The following DYNLT2B variants were observed in gnomAD, a reference collection of about 807,000 sequenced individuals.
DYNLT2B encodes dynein light chain Tctex-type 2B, also known as dynein light chain Tctex-type protein 2B.
In DYNLT2B, 14 loss-of-function variants were observed where a neutral mutation model predicts 19.5. The ratio of observed to expected loss-of-function variants is 0.72; its 90% CI spans 0.47 to 1.12. DYNLT2B has a LOEUF of 1.12. DYNLT2B is among the 50% of genes most tolerant of loss of function. DYNLT2B has a pLI of 0.00. For synonymous variants in DYNLT2B, 70 were observed against 59.7 expected, an observed-to-expected ratio of 1.17 and a Z score of -0.79; for missense variants, 133 against 174.7, an observed-to-expected ratio of 0.76 and a Z score of 1.35.
chr3:196,317,866 A>G (rs1465875422), intron 1 of DYNLT2B, among the ~76,000 whole-genome samples, 174 bp downstream of exon 1: 2 of 151,902 alleles, frequency 1.3e-5, no homozygotes, highest in African/African-American at 4.8e-5. Flanking sequence ...CTGCAGCGGG[A>G]GGGGCGCCCG....
intron 3 of DYNLT2B, among the ~76,000 whole-genome samples, chr3:196,299,134 G>T (rs1726289266): frequency 6.6e-6 from 1 of 151,132 alleles, no homozygotes; most frequent in African/African-American, 2.4e-5. Flanking sequence ...GCCCAGGCTG[G>T]AGTGCAGTGG....
chr3:196,311,607 G>GA (rs1399442690), intron 2 of DYNLT2B, among the ~76,000 whole-genome samples: 1 of 152,070 alleles, frequency 6.6e-6, no homozygotes, highest in Non-Finnish European at 1.5e-5. Context: ...ATGCTCATTA[G>GA]AAAGTCAGAA....
chr3:196,316,586 AT>A (rs1454723434), intron 1 of DYNLT2B, among the ~76,000 whole-genome samples: 4 of 152,132 alleles, frequency 2.6e-5, no homozygotes, highest in Non-Finnish European at 5.9e-5. Flanking sequence ...ATAAAATAAA[AT>A]AAAAAAATAC....
chr3:196,314,285 C>T (rs1726716667), intron 2 of DYNLT2B, among the ~76,000 whole-genome samples: 1 of 151,830 alleles, frequency 6.6e-6, no homozygotes, highest in Non-Finnish European at 1.5e-5. Flanking sequence ...GCTTGCAGAT[C>T]TCTTGAGGGT....
Position 196,298,784 on chromosome 3 carries a change from G to A in DYNLT2B, c.318-2715C>T, listed in dbSNP as rs1726280890. 3.9e-5 allele frequency among the ~76,000 whole-genome samples: 6 copies of A among 152,188 alleles called. No individual in the cohort carries two copies. The South Asian group carries it at 8.3e-4, about 21-fold the overall frequency. On this transcript the variant is annotated intron_variant, in intron 3 of 4. Transcript: ENST00000325318. ...TTCCGCAGCAGATTTTTTTCCTGGA[G>A]GATTTGCCAATTCAGGGCACAGGGC...
Position 196,311,837 on chromosome 3 carries a change from C to T in DYNLT2B, c.247+4261G>A, listed in dbSNP as rs1357386781. On this transcript the variant is annotated intron_variant, in intron 2 of 4. Coordinates refer to ENST00000325318, the MANE Select transcript of DYNLT2B (RefSeq NM_152773.5). ...AAGAAATCCCAGCACTTTGGGAGGC[C>T]GAGACGGGTGGGTCACCTGAGGTCA... is the stretch of plus-strand genomic sequence containing the variant. Among the ~76,000 whole-genome samples, 7 of 151,952 alleles carry T rather than the reference C, an allele frequency of 4.6e-5. 1 individual carries two copies. The South Asian group carries it at 1.5e-3, about 32-fold the overall frequency.
chr3:196,316,377 G>T, intron 1 of DYNLT2B, 146 bp from the exon 2 acceptor site: 2 of 895,228 alleles, frequency 2.2e-6, no homozygotes, highest in Non-Finnish European at 3.1e-6. Flanking sequence ...AACAAATTAA[G>T]ACAAATCATA....
intron 2 of DYNLT2B, among the ~76,000 whole-genome samples, chr3:196,315,068 C>A (rs932895999): frequency 1.3e-5 from 2 of 151,994 alleles, no homozygotes; most frequent in Non-Finnish European, 2.9e-5. Flanking sequence ...TCTGGTCTTT[C>A]TGAATACTAA....
chr3:196,313,337 C>T (rs1196323723), intron 2 of DYNLT2B, among the ~76,000 whole-genome samples: 1 of 151,934 alleles, frequency 6.6e-6, no homozygotes, highest in East Asian at 1.9e-4. Context: ...GCTGGGACTA[C>T]AGATGCACAC....
chr3:196,298,161 G>C, intron 3 of DYNLT2B: 1 of 366,858 alleles, frequency 2.7e-6, no homozygotes, highest in Non-Finnish European at 5.4e-6. Context: ...GGACGATTTG[G>C]CTTTTGTTTC....
chr3:196,315,124 C>A, intron 2 of DYNLT2B: 1 of 370,344 alleles, frequency 2.7e-6, no homozygotes, highest in South Asian at 1.9e-5. Context: ...TCTTTTCCCC[C>A]ATCTGCAAAA....
At chr3:196,312,054 A>G (rs1726657507) in intron 2 of DYNLT2B, among the ~76,000 whole-genome samples, 1 of 151,956 alleles carries the variant, frequency 6.6e-6, no homozygotes. Flanking sequence ...CTAATTTTGT[A>G]TCTTTAGTAG....
intron 2 of DYNLT2B, among the ~76,000 whole-genome samples, chr3:196,314,227 C>T (rs771717256): frequency 1.3e-5 from 2 of 152,060 alleles, no homozygotes; most frequent in East Asian, 1.9e-4. Context: ...GGAAATAGGC[C>T]GGGCACGGTG....
intron 2 of DYNLT2B, among the ~76,000 whole-genome samples, chr3:196,312,008 C>T (rs933134080): frequency 6.6e-6 from 1 of 152,198 alleles, no homozygotes; most frequent in Non-Finnish European, 1.5e-5. Flanking sequence ...TCTCCTGTCT[C>T]AGCCTGGGAT....
At chr3:196,307,606 T>C (rs1299073427) in intron 2 of DYNLT2B, among the ~76,000 whole-genome samples, 2 of 151,292 alleles carry the variant, frequency 1.3e-5, no homozygotes, top group Non-Finnish European at 2.9e-5. Flanking sequence ...CCCGGTCAGA[T>C]ATAGTAATAT....
intron 3 of DYNLT2B, 102 bp downstream of exon 3, chr3:196,306,841 C>T: frequency 9.3e-7 from 1 of 1,073,818 alleles, no homozygotes; most frequent in Non-Finnish European, 1.4e-6. Context: ...ACACCCGGCC[C>T]TTCTCACTCT....
rs751040664 is a variant in DYNLT2B at position 196,291,390 on chromosome 3, A to AAC, written c.382-18_382-17dup. On this transcript the variant is annotated splice_polypyrimidine_tract_variant and intron_variant, in intron 4 of 4. Transcript: ENST00000325318. ...ATAAACTGTCCTAAAAAATAAATAC[A>AAC]ACACACACACACATCCAGAATGTTA... is the stretch of plus-strand genomic sequence containing the variant. The AAC allele has an allele frequency of 2.6e-5, 42 of 1,607,950 alleles. No homozygotes were observed. Among genetic ancestry groups the AAC allele is most frequent in the Middle Eastern group, 3.3e-4 (2 of 6,062 alleles).
chr3:196,294,866 C>T (rs1172683652), intron 4 of DYNLT2B, among the ~76,000 whole-genome samples: 3 of 152,094 alleles, frequency 2.0e-5, no homozygotes, highest in Non-Finnish European at 2.9e-5. Context: ...TCCCAAGTAG[C>T]TGGGATTACA....
intron 3 of DYNLT2B, among the ~76,000 whole-genome samples, chr3:196,303,555 G>A (rs1726411168): frequency 6.6e-6 from 1 of 152,144 alleles, no homozygotes; most frequent in Non-Finnish European, 1.5e-5. Flanking sequence ...TTACCTCTGT[G>A]ATCTTCCTTC....
Sources: gnomAD v4.1 joint callset for allele counts (sites outside exome capture counted in the v4.1 genomes callset) on GRCh38, gnomAD v4.1.1 for gene constraint, MANE v1.5 for transcripts, NCBI Gene and HGNC (gene_info 2026-07-23, HGNC 2026-07-21) for gene names.